TTC27: variants seen among roughly 807,000 people sequenced by gnomAD.
The protein encoded by TTC27 is tetratricopeptide repeat domain 27.
Under a neutral mutation model 115.9 loss-of-function variants are expected in TTC27, and 79 were observed. That is an observed-to-expected ratio of 0.68 (90% CI 0.57 to 0.82). TTC27 has a LOEUF of 0.82. Ranked by LOEUF, TTC27 falls within the 40% of genes least tolerant of loss-of-function variation. The probability of loss-of-function intolerance (pLI) is 0.00; values close to 1 mark genes in which losing one functional copy is unlikely to be tolerated. For missense variants in TTC27, 1,054 were observed against 993.1 expected (o/e 1.06, Z -0.82); for synonymous variants, 401 against 356.0 (o/e 1.13, Z -1.42).
chr2:32,649,991 AAG>A, intron 4 of TTC27, 138 bp from the exon 5 acceptor site: 1 of 642,470 alleles, frequency 1.6e-6, no homozygotes, highest in Non-Finnish European at 2.7e-6. Context: ...ATTATTACTG[AAG>A]AGAGTAGTGG....
Position 32,630,471 on chromosome 2 carries a change from G to T in TTC27, c.89-52G>T, listed in dbSNP as rs1247584040. ...TTTACCTAATAGTGTTATCCTTTAC[G>T]GTATGAAAAATAATTTTTTTTGGAT... On this transcript the variant is annotated intron_variant, in intron 1 of 19. Coordinates refer to ENST00000317907, the MANE Select transcript of TTC27 (RefSeq NM_017735.5). 5 of 1,403,596 alleles carry T rather than the reference G, an allele frequency of 3.6e-6. No homozygotes were observed. The Admixed American group carries it at 1.0e-4, about 29-fold the overall frequency. The allele number at this position is 1,403,596 out of a possible 1,614,324, so 86.9% of individuals were successfully genotyped here.
chr2:32,716,594 T>A (rs907914341), intron 10 of TTC27, among the ~76,000 whole-genome samples: 2 of 152,160 alleles, frequency 1.3e-5, no homozygotes, highest in South Asian at 2.1e-4. Flanking sequence ...TCAGCACACT[T>A]TTCATCTCCT....
chr2:32,820,689 T>C, intron 19 of TTC27, 127 bp from the exon 20 acceptor site: 1 of 828,584 alleles, frequency 1.2e-6, no homozygotes, highest in Non-Finnish European at 1.6e-6. Context: ...AAAAAAATGC[T>C]ACCATTGCTA....
chr2:32,730,648 G>A (rs1668263597), intron 10 of TTC27, among the ~76,000 whole-genome samples: 1 of 143,766 alleles, frequency 7.0e-6, no homozygotes, highest in Admixed American at 7.1e-5. Flanking sequence ...TCTTGAGACA[G>A]TCTCACTCTG....
At chr2:32,726,292 C>T (rs936849302) in intron 10 of TTC27, among the ~76,000 whole-genome samples, 14 of 152,164 alleles carry the variant, frequency 9.2e-5, no homozygotes, top group African/African-American at 1.9e-4. Context: ...GCAAATTTTC[C>T]GAACTTTTAT....
intron 1 of TTC27, among the ~76,000 whole-genome samples, chr2:32,628,660 C>G (rs182737364): frequency 6.6e-6 from 1 of 152,112 alleles, no homozygotes; most frequent in South Asian, 2.1e-4. Context: ...ATAGTAGATA[C>G]TTAAGGTAGA....
intron 9 of TTC27, among the ~76,000 whole-genome samples, chr2:32,682,841 ATTGTTGTTTTT>A (rs1015209093): frequency 1.3e-5 from 1 of 77,480 alleles, no homozygotes; most frequent in African/African-American, 5.6e-5. Flanking sequence ...GATAATTTTT[ATTGTTGTTTTT>A]TTTTTTTTTT....
chr2:32,704,463 C>T (rs1390810974), intron 10 of TTC27, among the ~76,000 whole-genome samples: 1 of 152,206 alleles, frequency 6.6e-6, no homozygotes, highest in African/African-American at 2.4e-5. Context: ...GCTAGGATTA[C>T]AGGCATGAGC....
intron 13 of TTC27, among the ~76,000 whole-genome samples, chr2:32,758,865 G>C (rs1669336613): frequency 6.6e-6 from 1 of 152,014 alleles, no homozygotes; most frequent in African/African-American, 2.4e-5. Context: ...GACAGCATAG[G>C]ACTTTGCAAG....
chr2:32,675,207 T>C (rs1666155415), intron 8 of TTC27, among the ~76,000 whole-genome samples: 1 of 152,224 alleles, frequency 6.6e-6, no homozygotes, highest in South Asian at 2.1e-4. Flanking sequence ...AATTACAGAG[T>C]GGCAATTAGG....
intron 13 of TTC27, among the ~76,000 whole-genome samples, 179 bp downstream of exon 13, chr2:32,758,698 A>G (rs1398934540): frequency 6.6e-6 from 1 of 152,152 alleles, no homozygotes; most frequent in Non-Finnish European, 1.5e-5. Flanking sequence ...CAAAAAGTGG[A>G]TAGGTTTTTT....
chr2:32,735,212 C>T (rs980740538), intron 11 of TTC27, among the ~76,000 whole-genome samples: 1 of 152,116 alleles, frequency 6.6e-6, no homozygotes, highest in African/African-American at 2.4e-5. Flanking sequence ...TTGAAGGAAT[C>T]TCAATAAAAC....
intron 16 of TTC27, among the ~76,000 whole-genome samples, chr2:32,787,550 A>G (rs1670390958): frequency 6.6e-6 from 1 of 152,192 alleles, no homozygotes; most frequent in Admixed American, 6.5e-5. Flanking sequence ...ATACCTTCAG[A>G]TGGTATGAAC....
chr2:32,631,337 A>G (rs751133314), intron 2 of TTC27, among the ~76,000 whole-genome samples: 1 of 152,034 alleles, frequency 6.6e-6, no homozygotes, highest in Non-Finnish European at 1.5e-5. Flanking sequence ...CATACTTTCA[A>G]TCTTGTTATT....
chr2:32,812,641 A>G (rs373552020), intron 18 of TTC27, 26 bp downstream of exon 18: 23 of 1,553,862 alleles, frequency 1.5e-5, no homozygotes, highest in Non-Finnish European at 2.0e-5. Context: ...TTTGATATCC[A>G]TGGAATGTTT....
At chr2:32,723,920 C>T (rs1048767470) in intron 10 of TTC27, among the ~76,000 whole-genome samples, 26 of 146,484 alleles carry the variant, frequency 1.8e-4, no homozygotes, top group African/African-American at 6.3e-4. Flanking sequence ...CTGCCTTGGC[C>T]TCCCAAAGTG....
At chr2:32,817,685 C>T (rs540512510) in intron 19 of TTC27, 128 bp downstream of exon 19, 7 of 800,192 alleles carry the variant, frequency 8.7e-6, no homozygotes, top group Admixed American at 4.3e-5. Context: ...AATATAGCAG[C>T]CCCCTCATGG....
chr2:32,672,286 T>C lies in TTC27; in HGVS notation c.954T>C (p.Asn318=). 2 of 1,613,426 alleles carry C rather than the reference T, an allele frequency of 1.2e-6. No homozygotes were observed. The highest frequency in any genetic ancestry group is 2.2e-5 in the South Asian group (2 of 90,994). The change falls in exon 8 of 20, where the codon AAT becomes AAC. Residue 318 remains asparagine (N), a synonymous_variant. Coordinates refer to ENST00000317907, the MANE Select transcript of TTC27 (RefSeq NM_017735.5). ...QEHLTKNLEL[N]DDTILNDIKL... ...TATTCTACTAGAATCTTGAGCTCAA[T>C]GATGACACCATTCTGAATGACATAA...
rs1175959467 is a variant in TTC27 at position 32,702,936 on chromosome 2, G to T, written c.1233+16G>T. The T allele has an allele frequency of 1.3e-6, 2 of 1,580,166 alleles. No individual in the cohort carries two copies. The highest frequency in any genetic ancestry group is 3.3e-5 in the Admixed American group (2 of 59,774). On this transcript the variant is annotated intron_variant, in intron 10 of 19. Coordinates refer to ENST00000317907, the MANE Select transcript of TTC27 (RefSeq NM_017735.5). ...GCAGACACAGGTAAGAATTAATGTG[G>T]CAATTTGTGTGCTTCTTCCAACTCT...
Sources: allele counts gnomAD v4.1 joint callset (sites outside exome capture counted in the v4.1 genomes callset), GRCh38; gene constraint gnomAD v4.1.1; transcripts MANE v1.5; gene names NCBI Gene and HGNC (gene_info 2026-07-23, HGNC 2026-07-21).